Variants in EDIL3 observed in about 807,000 individuals in gnomAD.
EDIL3 encodes the protein EGF like and discoidin domains 3.
Under a neutral mutation model 67.4 loss-of-function variants are expected in EDIL3, and 37 were observed. That is an observed-to-expected ratio of 0.55 (90% confidence interval 0.42 to 0.72). The LOEUF (loss-of-function observed/expected upper bound fraction) is 0.72, where lower values mean the gene tolerates loss of function less well. EDIL3 is among the 30% of genes least tolerant of loss of function. The pLI is 0.00. For synonymous variants in EDIL3, 195 were observed against 196.3 expected (o/e 0.99, Z 0.05); for missense variants, 527 against 586.3 (o/e 0.90, Z 1.04).
chr5:84,365,256 C>CA (rs1277138086), intron 1 of EDIL3, among the ~76,000 whole-genome samples: 1 of 152,020 alleles, frequency 6.6e-6, no homozygotes, highest in Non-Finnish European at 1.5e-5. Context: ...TAGTAGATTA[C>CA]AAAAAACTTT....
At chr5:84,128,465 A>G (rs1255383287) in intron 5 of EDIL3, among the ~76,000 whole-genome samples, 1 of 130,082 alleles carries the variant, frequency 7.7e-6, no homozygotes, top group Non-Finnish European at 1.6e-5. Context: ...ATTAACATGT[A>G]GAAGATACTG....
chr5:83,970,374 C>A (rs992938514), intron 9 of EDIL3, among the ~76,000 whole-genome samples: 10 of 146,766 alleles, frequency 6.8e-5, no homozygotes, highest in African/African-American at 2.5e-4. Flanking sequence ...TATGTGGTTT[C>A]TGTTATATTT....
rs1746599771 is a variant in EDIL3 at position 84,064,569 on chromosome 5, A to G, written c.952+131T>C. 15 of 1,160,656 alleles carry G rather than the reference A, an allele frequency of 1.3e-5. No homozygotes were observed. The South Asian group carries it at 2.3e-4, about 17-fold the overall frequency. 71.9% of individuals were successfully genotyped at this position (1,160,656 alleles called of 1,614,324 possible). A position where few individuals can be genotyped will look rare whatever the true frequency, so the allele number is the denominator to read the frequency against. ...AACACACACTGGTTTTCCCTGAACC[A>G]TGTTGTAGACATTTTTCCCCAGAAA... On this transcript the variant is annotated intron_variant, in intron 8 of 10. Coordinates refer to ENST00000296591, the MANE Select transcript of EDIL3 (RefSeq NM_005711.5).
At chr5:84,045,264 G>A (rs1299785457) in intron 9 of EDIL3, among the ~76,000 whole-genome samples, 14 of 152,080 alleles carry the variant, frequency 9.2e-5, no homozygotes, top group Non-Finnish European at 2.1e-4. Flanking sequence ...TGAGATTTGG[G>A]TGAGGACACA....
In EDIL3 at chr5:84,034,644, G is replaced by A. The variant is rs188324324; in HGVS notation, c.1137+25656C>T. On this transcript the variant is annotated intron_variant, in intron 9 of 10. Coordinates refer to ENST00000296591, the MANE Select transcript of EDIL3 (RefSeq NM_005711.5). Reference sequence around the variant, plus strand: ...TCATTGGTTATGAGCCTAGCAGTATGGTTACACCTTTCATAGATGCCATCT... The same window carrying A: ...TCATTGGTTATGAGCCTAGCAGTATAGTTACACCTTTCATAGATGCCATCT... Among the ~76,000 whole-genome samples the A allele has an allele frequency of 6.8e-4, 103 of 152,186 alleles. 2 individuals carry two copies. In the East Asian group the frequency reaches 0.018, roughly 27 times the overall value.
chr5:84,160,186 A>G (rs775680520), intron 4 of EDIL3, among the ~76,000 whole-genome samples: 1 of 152,192 alleles, frequency 6.6e-6, no homozygotes, highest in African/African-American at 2.4e-5. Flanking sequence ...CTGTCAATAC[A>G]TGAGGTAAAC....
At chr5:84,098,165 A>G (rs1747298831) in intron 6 of EDIL3, among the ~76,000 whole-genome samples, 1 of 151,976 alleles carries the variant, frequency 6.6e-6, no homozygotes. Flanking sequence ...AGTTATGAGC[A>G]TTGTGGTACT....
intron 9 of EDIL3, among the ~76,000 whole-genome samples, chr5:84,021,039 C>G (rs1483302738): frequency 1.3e-5 from 2 of 151,914 alleles, no homozygotes; most frequent in Non-Finnish European, 2.9e-5. Flanking sequence ...AATGTCCAAT[C>G]GAAAAGAAAT....
In EDIL3 at chr5:84,337,388, C is replaced by T. The variant is rs185224978; in HGVS notation, c.67+46920G>A. Among the ~76,000 whole-genome samples the T allele has an allele frequency of 2.0e-3, 299 of 152,230 alleles. 1 individual carries two copies. Among genetic ancestry groups the T allele is most frequent in the Middle Eastern group, 6.8e-3 (2 of 294 alleles). ...GTGAAGAGAGGGAGTGGGGAGACTA[C>T]TGAGCTAGAAATTTCCTGTACTCTG... On this transcript the variant is annotated intron_variant, in intron 1 of 10. Coordinates refer to ENST00000296591, the MANE Select transcript of EDIL3 (RefSeq NM_005711.5).
intron 4 of EDIL3, among the ~76,000 whole-genome samples, chr5:84,147,038 C>T (rs1271641105): frequency 6.6e-6 from 1 of 152,092 alleles, no homozygotes; most frequent in East Asian, 1.9e-4. Flanking sequence ...CCTACACCCA[C>T]ATAAAGGTGA....
intron 6 of EDIL3, among the ~76,000 whole-genome samples, chr5:84,074,468 C>G (rs900857377): frequency 4.6e-5 from 7 of 152,134 alleles, no homozygotes; most frequent in Non-Finnish European, 8.8e-5. Context: ...GGGCTAATAT[C>G]CAGAATCTAC....
At position 83,943,299 on chromosome 5, in the gene EDIL3, G is replaced by C; in HGVS notation, c.*120C>G. 7.2e-7 allele frequency: 1 copy of C among 1,384,578 alleles called. No homozygotes were observed. The highest frequency in any genetic ancestry group is 9.8e-7 in the Non-Finnish European group (1 of 1,018,002). 85.8% of individuals were successfully genotyped at this position (1,384,578 alleles called of 1,614,324 possible). A position where few individuals can be genotyped will look rare whatever the true frequency, so the allele number is the denominator to read the frequency against. ...CACCGTTAGTTGCCTACCATAATTT[G>C]AGCACTTTTTCATGAAAAAAAAAAA... On this transcript the variant is annotated 3_prime_UTR_variant, in exon 11 of 11. Coordinates refer to ENST00000296591, the MANE Select transcript of EDIL3 (RefSeq NM_005711.5).
At chr5:84,383,232 T>TGGCACAGCTCCCCCA (rs1748125977) in intron 1 of EDIL3, among the ~76,000 whole-genome samples, 1 of 151,924 alleles carries the variant, frequency 6.6e-6, no homozygotes, top group South Asian at 2.1e-4. Context: ...AGCGCAGGAG[T>TGGCACAGCTCCCCCA]GGCACAGCTC....
chr5:84,140,109 A>G (rs1239252757), intron 4 of EDIL3, among the ~76,000 whole-genome samples: 1 of 152,182 alleles, frequency 6.6e-6, no homozygotes, highest in Admixed American at 6.6e-5. Flanking sequence ...CTTCTACTTT[A>G]GAAGAACCTA....
rs113096982 is a variant in EDIL3, at chr5:84,240,518, C to A, written c.197-10634G>T. On this transcript the variant is annotated intron_variant, in intron 2 of 10. Coordinates refer to ENST00000296591, the MANE Select transcript of EDIL3 (RefSeq NM_005711.5). ...TGCACAACAGGAAATGAGCCTGAGC[C>A]CCGCCTCCTCTCAGATCAGCAGCAG... is the stretch of plus-strand genomic sequence containing the variant. Among the ~76,000 whole-genome samples, 511 of 152,230 alleles carry A rather than the reference C, an allele frequency of 3.4e-3. 4 individuals carry two copies. The highest frequency in any genetic ancestry group is 0.012 in the African/African-American group (482 of 41,524).
chr5:84,096,269 C>T (rs1383456287), intron 6 of EDIL3, among the ~76,000 whole-genome samples: 2 of 152,144 alleles, frequency 1.3e-5, no homozygotes, highest in Non-Finnish European at 2.9e-5. Flanking sequence ...CACCGTGTGT[C>T]TGGAAAAGCC....
At chr5:84,007,059 T>A (rs933424974) in intron 9 of EDIL3, among the ~76,000 whole-genome samples, 31 of 152,126 alleles carry the variant, frequency 2.0e-4, no homozygotes, top group Non-Finnish European at 7.4e-5. Flanking sequence ...TAATAAATGA[T>A]GCTTGGAAAA....
chr5:84,365,546 T>TA (rs1209567147), intron 1 of EDIL3, among the ~76,000 whole-genome samples: 3 of 152,090 alleles, frequency 2.0e-5, no homozygotes, highest in Non-Finnish European at 4.4e-5. Context: ...GTGGAAAGAG[T>TA]AAAAAGAAAG....
intron 10 of EDIL3, among the ~76,000 whole-genome samples, chr5:83,947,596 A>G (rs563473831): frequency 6.6e-6 from 1 of 151,982 alleles, no homozygotes; most frequent in South Asian, 2.1e-4. Flanking sequence ...AAGAGAACTC[A>G]GAGATCTGCT....
Sources: gnomAD v4.1 joint callset for allele counts (sites outside exome capture counted in the v4.1 genomes callset) on GRCh38, gnomAD v4.1.1 for gene constraint, MANE v1.5 for transcripts, NCBI Gene and HGNC (gene_info 2026-07-23, HGNC 2026-07-21) for gene names.